Variants in MRTFB observed in about 807,000 individuals in gnomAD.
MRTFB encodes the protein myocardin related transcription factor B, also known as myocardin-related transcription factor B.
Under a neutral mutation model 104.2 loss-of-function variants are expected in MRTFB, and 29 were observed. The ratio of observed to expected loss-of-function variants is 0.28; its 90% confidence interval spans 0.21 to 0.38. MRTFB has a LOEUF of 0.38. Ranked by LOEUF, MRTFB falls within the 10% of genes least tolerant of loss-of-function variation. MRTFB has a pLI of 1.00. For missense variants in MRTFB, 1,270 were observed against 1,341.6 expected, an observed-to-expected ratio of 0.95 and a Z score of 0.83; for synonymous variants, 535 against 519.5, an observed-to-expected ratio of 1.03 and a Z score of -0.41.
At chr16:14,006,895 T>C in the MRTFB span, among the ~76,000 whole-genome samples, 2 of 152,022 alleles carry the variant, frequency 1.3e-5, no homozygotes, top group Non-Finnish European at 2.9e-5. Context: ...CAAATGCCTA[T>C]AGTCTCAGCT....
intron 3 of MRTFB, among the ~76,000 whole-genome samples, chr16:14,147,973 C>G (rs969957328): frequency 1.3e-5 from 2 of 152,114 alleles, no homozygotes; most frequent in African/African-American, 4.8e-5. Context: ...GACAACTTTT[C>G]TATAGTTACT....
At position 14,221,509 on chromosome 16, in the gene MRTFB, C is replaced by G. The variant is rs552691676; in HGVS notation, c.693+2511C>G. Among the ~76,000 whole-genome samples the G allele has an allele frequency of 4.6e-5, 7 of 152,308 alleles. No individual in the cohort carries two copies. In the East Asian group the frequency reaches 1.3e-3, roughly 29 times the overall value. On this transcript the variant is annotated intron_variant, in intron 8 of 16. Transcript: ENST00000571589. ...CATGACAGATCCTTGGAGACTCTCT[C>G]TGCAGTCTGTTTTTTCCTGCTTTAG...
the MRTFB span, among the ~76,000 whole-genome samples, chr16:14,009,950 T>C: frequency 6.6e-6 from 1 of 152,130 alleles, no homozygotes; most frequent in African/African-American, 2.4e-5. Flanking sequence ...CTCTCTCCTC[T>C]TTCATCCACT....
At chr16:14,245,291 T>G (rs1039621373) in intron 10 of MRTFB, among the ~76,000 whole-genome samples, 3 of 152,196 alleles carry the variant, frequency 2.0e-5, no homozygotes, top group African/African-American at 7.2e-5. Flanking sequence ...TCTTGGTCCT[T>G]TGCATTTCCA....
chr16:14,221,948 A>G (rs1299410206), intron 8 of MRTFB, among the ~76,000 whole-genome samples: 2 of 151,750 alleles, frequency 1.3e-5, no homozygotes, highest in Non-Finnish European at 2.9e-5. Flanking sequence ...TGCCCAGCTA[A>G]TTTTTGTATT....
intron 2 of MRTFB, among the ~76,000 whole-genome samples, chr16:14,101,963 A>G (rs1346791028): frequency 6.6e-6 from 1 of 152,218 alleles, no homozygotes; most frequent in African/African-American, 2.4e-5. Flanking sequence ...TCAAGGTACT[A>G]TATTTAGGTA....
chr16:14,154,573 C>G (rs1234790699), intron 3 of MRTFB, among the ~76,000 whole-genome samples: 1 of 152,046 alleles, frequency 6.6e-6, no homozygotes, highest in Non-Finnish European at 1.5e-5. Flanking sequence ...TTCTTTAAAC[C>G]ATAACAGCCA....
rs1567218240 is a variant in MRTFB at position 14,248,999 on chromosome 16, C to T, written c.2321C>T (p.Ala774Val). Residue 774 changes from alanine to valine, a missense_variant, in exon 13 of 17, where the codon GCC (alanine) becomes GTC (valine). Physicochemically the swap from Ala to Val is moderately conservative, Grantham distance 64 (BLOSUM62 0). Transcript: ENST00000571589. ...TAAQIPTAALASGLAPTVPQT... is the reference protein window; with the variant it reads ...TAAQIPTAALVSGLAPTVPQT... ...GCACAAATACCAACTGCTGCCTTGG[C>T]CTCAGGCTTGGCCCCAACTGTACCT... 6.2e-7 allele frequency: 1 copy of T among 1,614,170 alleles called. No individual in the cohort carries two copies. The highest frequency in any genetic ancestry group is 1.3e-5 in the African/African-American group (1 of 75,044).
At chr16:14,055,171 G>A in the MRTFB span, among the ~76,000 whole-genome samples, 6,470 of 152,202 alleles carry the variant, frequency 0.043, 169 homozygotes, top group Middle Eastern at 0.061. Context: ...GACCAACATG[G>A]AGAAACCCCG....
intron 2 of MRTFB, among the ~76,000 whole-genome samples, chr16:14,088,147 C>T: frequency 6.6e-6 from 1 of 152,144 alleles, no homozygotes; most frequent in South Asian, 2.1e-4. Context: ...TGGCCGGTGA[C>T]TGTTACTTAT....
chr16:14,203,743 G>A (rs1427296256), intron 3 of MRTFB, among the ~76,000 whole-genome samples: 1 of 146,180 alleles, frequency 6.8e-6, no homozygotes, highest in Non-Finnish European at 1.5e-5. Context: ...GACAGAGGTT[G>A]CAGGGAGCTG....
intron 2 of MRTFB, among the ~76,000 whole-genome samples, chr16:14,128,456 G>A (rs2037267698): frequency 6.6e-6 from 1 of 152,204 alleles, no homozygotes; most frequent in African/African-American, 2.4e-5. Context: ...AACATAGCCA[G>A]TGAAGTTTCA....
intron 2 of MRTFB, among the ~76,000 whole-genome samples, chr16:14,127,809 C>T (rs2037196209): frequency 6.8e-6 from 1 of 146,084 alleles, no homozygotes; most frequent in Non-Finnish European, 1.5e-5. Context: ...TATATATTTT[C>T]TTCTTTTCCC....
At chr16:14,139,177 A>C (rs1270155853) in intron 2 of MRTFB, among the ~76,000 whole-genome samples, 2 of 152,248 alleles carry the variant, frequency 1.3e-5, no homozygotes, top group Admixed American at 6.5e-5. Flanking sequence ...CTGATAAAGC[A>C]CTTGTATCCA....
the MRTFB span, among the ~76,000 whole-genome samples, chr16:14,053,284 T>A: frequency 2.6e-5 from 4 of 152,108 alleles, no homozygotes; most frequent in Non-Finnish European, 5.9e-5. Context: ...TCCATTTATA[T>A]CATGTATATG....
chr16:14,232,153 G>A (rs2042296032), intron 8 of MRTFB, among the ~76,000 whole-genome samples: 1 of 152,128 alleles, frequency 6.6e-6, no homozygotes, highest in Admixed American at 6.5e-5. Context: ...ACTGGGGGCT[G>A]GACTGGTAAA....
intron 3 of MRTFB, among the ~76,000 whole-genome samples, chr16:14,155,226 G>T: frequency 6.6e-6 from 1 of 150,908 alleles, no homozygotes; most frequent in Non-Finnish European, 1.5e-5. Context: ...AGTATTCCCT[G>T]ATCTTTTAAA....
At chr16:14,092,846 A>G (rs903933342) in intron 2 of MRTFB, 3 of 152,232 alleles carry the variant, frequency 2.0e-5, no homozygotes, top group African/African-American at 7.2e-5. Flanking sequence ...ATCAAGTCCT[A>G]TTTGTGAATG....
chr16:14,187,938 AC>A (rs1423300744), intron 3 of MRTFB, among the ~76,000 whole-genome samples: 1 of 152,046 alleles, frequency 6.6e-6, no homozygotes. Flanking sequence ...GCCAGCAGCC[AC>A]CCCCTTGCCT....
Sources: allele counts gnomAD v4.1 joint callset (sites outside exome capture counted in the v4.1 genomes callset), GRCh38; gene constraint gnomAD v4.1.1; transcripts MANE v1.5; gene names NCBI Gene and HGNC (gene_info 2026-07-23, HGNC 2026-07-21).